The following CCSER1 variants were observed in gnomAD, a reference collection of about 807,000 sequenced individuals.
CCSER1 encodes serine-rich coiled-coil domain-containing protein 1.
CCSER1 carries 41 observed loss-of-function variants against 82.0 expected under a neutral mutation model. The observed-to-expected ratio is 0.50, with a 90% CI of 0.39 to 0.65. CCSER1 has a LOEUF of 0.65. CCSER1 is among the 30% of genes least tolerant of loss of function. The probability of loss-of-function intolerance (pLI) is 0.00; values close to 1 mark genes in which losing one functional copy is unlikely to be tolerated. For synonymous variants in CCSER1, 414 were observed against 383.9 expected, an observed-to-expected ratio of 1.08 and a Z score of -0.92; for missense variants, 1,119 against 1,064.2, an observed-to-expected ratio of 1.05 and a Z score of -0.72.
chr4:90,158,407 G>A (rs905616664), intron 1 of CCSER1, among the ~76,000 whole-genome samples: 10 of 152,210 alleles, frequency 6.6e-5, no homozygotes, highest in Non-Finnish European at 1.2e-4. Context: ...TCTCCTCAAA[G>A]CTGTCAGACA....
chr4:90,534,425 A>G (rs1268299458), intron 5 of CCSER1, among the ~76,000 whole-genome samples: 1 of 147,692 alleles, frequency 6.8e-6, no homozygotes, highest in Non-Finnish European at 1.5e-5. Context: ...CACCGAGCCC[A>G]GGCTGTGCCA....
chr4:90,547,160 TGAC>T (rs33959224), intron 5 of CCSER1, among the ~76,000 whole-genome samples: 24,140 of 151,102 alleles, frequency 0.16, 2,479 homozygotes, highest in East Asian at 0.43. Context: ...ATGGTATTTA[TGAC>T]TTTTTGGAGT....
chr4:91,303,556 T>C (rs1478378911), intron 10 of CCSER1, among the ~76,000 whole-genome samples: 1 of 151,892 alleles, frequency 6.6e-6, no homozygotes. Context: ...GAGGCTGAAG[T>C]GGGAGGATCA....
intron 3 of CCSER1, among the ~76,000 whole-genome samples, chr4:90,354,343 A>C (rs544785970): frequency 6.6e-5 from 10 of 152,330 alleles, no homozygotes; most frequent in African/African-American, 2.4e-4. Flanking sequence ...TTCTAAGATG[A>C]ATATAAATAT....
chr4:90,640,056 CAAG>C (rs1479627965), intron 6 of CCSER1, among the ~76,000 whole-genome samples: 1 of 152,000 alleles, frequency 6.6e-6, no homozygotes, highest in Admixed American at 6.6e-5. Flanking sequence ...AATATTGCTT[CAAG>C]AAGGTCAGCT....
intron 1 of CCSER1, among the ~76,000 whole-genome samples, chr4:90,262,666 T>C (rs2153449341): frequency 1.3e-5 from 2 of 152,194 alleles, no homozygotes; most frequent in Middle Eastern, 6.8e-3. Context: ...TGAAGGTGGC[T>C]GGGAGAGCTC....
Position 90,351,263 on chromosome 4 carries a change from C to A in CCSER1, c.1509+38216C>A, listed in dbSNP as rs115786043. ...CAATAGGATAGTAAGGGTGACATTT[C>A]TAATCAGCGGGCAAAGATACCTTGT... On this transcript the variant is annotated intron_variant, in intron 3 of 10. Transcript: ENST00000509176. Among the ~76,000 whole-genome samples, 1,494 of 152,250 alleles carry A rather than the reference C, an allele frequency of 9.8e-3. 12 individuals are homozygous for A. Among genetic ancestry groups the A allele is most frequent in the Non-Finnish European group, 0.015 (1,035 of 68,006 alleles).
chr4:91,072,713 A>T (rs370569223), intron 9 of CCSER1, among the ~76,000 whole-genome samples: 3 of 152,196 alleles, frequency 2.0e-5, no homozygotes, highest in Non-Finnish European at 1.5e-5. Context: ...GCTTTCTTTG[A>T]TCTGTATATC....
intron 10 of CCSER1, among the ~76,000 whole-genome samples, chr4:91,150,677 G>T (rs1412068842): frequency 6.6e-6 from 1 of 152,148 alleles, no homozygotes; most frequent in East Asian, 1.9e-4. Flanking sequence ...AATTTATTGA[G>T]AGTTTTTAGC....
intron 10 of CCSER1, among the ~76,000 whole-genome samples, chr4:91,350,840 C>T (rs773868423): frequency 9.9e-5 from 15 of 151,688 alleles, no homozygotes; most frequent in Non-Finnish European, 2.2e-4. Flanking sequence ...AATGATGTTA[C>T]AATGGTTAAT....
chr4:91,151,159 T>C (rs1397088923), intron 10 of CCSER1, among the ~76,000 whole-genome samples: 1 of 152,186 alleles, frequency 6.6e-6, no homozygotes, highest in East Asian at 1.9e-4. Context: ...CTGTTAGTGA[T>C]CTACTCAGGG....
intron 10 of CCSER1, among the ~76,000 whole-genome samples, chr4:91,570,088 C>T (rs949958189): frequency 1.3e-5 from 2 of 152,164 alleles, no homozygotes; most frequent in South Asian, 4.1e-4. Flanking sequence ...GTCATCAAAC[C>T]TTAAAGCTGC....
chr4:91,201,432 G>A (rs186476877), intron 10 of CCSER1, among the ~76,000 whole-genome samples: 54 of 152,190 alleles, frequency 3.5e-4, no homozygotes, highest in African/African-American at 1.3e-3. Flanking sequence ...TGGGATTGAA[G>A]GCTGGGTCAC....
chr4:90,271,018 A>G, intron 1 of CCSER1, among the ~76,000 whole-genome samples: 1 of 152,202 alleles, frequency 6.6e-6, no homozygotes, highest in Non-Finnish European at 1.5e-5. Flanking sequence ...AAGATATTCC[A>G]TGTTCATGGA....
chr4:90,939,686 A>G (rs1731367457), intron 9 of CCSER1, among the ~76,000 whole-genome samples: 1 of 152,214 alleles, frequency 6.6e-6, no homozygotes, highest in Non-Finnish European at 1.5e-5. Context: ...GGTAACCTTT[A>G]TAAATATGTT....
At chr4:91,334,635 A>G (rs1197221990) in intron 10 of CCSER1, among the ~76,000 whole-genome samples, 2 of 152,036 alleles carry the variant, frequency 1.3e-5, no homozygotes, top group African/African-American at 4.8e-5. Context: ...TGATCAGAGA[A>G]ATCTAAATAT....
At chr4:90,730,107 A>G (rs1744429768) in intron 7 of CCSER1, among the ~76,000 whole-genome samples, 1 of 152,172 alleles carries the variant, frequency 6.6e-6, no homozygotes, top group Non-Finnish European at 1.5e-5. Context: ...ACTTGTTTAT[A>G]TATTATAACA....
chr4:91,559,708 C>A (rs375264000), intron 10 of CCSER1, among the ~76,000 whole-genome samples: 1 of 151,088 alleles, frequency 6.6e-6, no homozygotes, highest in East Asian at 1.9e-4. Context: ...TAATAATTTC[C>A]AATTACAAAG....
intron 10 of CCSER1, among the ~76,000 whole-genome samples, chr4:91,282,021 G>C (rs2149203882): frequency 6.6e-6 from 1 of 152,164 alleles, no homozygotes. Flanking sequence ...ACTTAGACTT[G>C]ATGTAACTTA....
Sources: gnomAD v4.1 joint callset for allele counts (sites outside exome capture counted in the v4.1 genomes callset) on GRCh38, gnomAD v4.1.1 for gene constraint, MANE v1.5 for transcripts, NCBI Gene and HGNC (gene_info 2026-07-23, HGNC 2026-07-21) for gene names.